GGNBP2: variants seen among roughly 807,000 people sequenced by gnomAD.
The protein encoded by GGNBP2 is gametogenetin binding protein 2.
In GGNBP2, 10 loss-of-function variants were observed where a neutral mutation model predicts 85.9. The ratio of observed to expected loss-of-function variants is 0.12; its 90% CI spans 0.07 to 0.20. The LOEUF (loss-of-function observed/expected upper bound fraction) is 0.20, where lower values mean the gene tolerates loss of function less well. GGNBP2 is among the 10% of genes least tolerant of loss of function. GGNBP2 has a pLI of 1.00. For missense variants in GGNBP2, 595 were observed against 857.8 expected, an observed-to-expected ratio of 0.69 and a Z score of 3.83; for synonymous variants, 287 against 285.7, an observed-to-expected ratio of 1.00 and a Z score of -0.05.
Position 36,567,742 on chromosome 17 carries a change from T to C in GGNBP2, c.607T>C (p.Leu203=). 6.2e-7 allele frequency: 1 copy of C among 1,603,894 alleles called. No homozygotes were observed. Among genetic ancestry groups the C allele is most frequent in the Non-Finnish European group, 8.5e-7 (1 of 1,170,846 alleles). Residue 203 remains leucine, a synonymous_variant, in exon 6 of 14, where the codon TTA becomes CTA. Coordinates refer to ENST00000613102, the MANE Select transcript of GGNBP2 (RefSeq NM_024835.5). The part of the protein sequence containing the change: ...EVVLIDSSCL[L]ETLETYLRKH... ...AGTTTTAATTGACTCGAGTTGTCTTTTAGAAACACTAGAAACATATCTGCG... is the reference window on the plus strand; with the variant it reads ...AGTTTTAATTGACTCGAGTTGTCTTCTAGAAACACTAGAAACATATCTGCG...
intron 6 of GGNBP2, among the ~76,000 whole-genome samples, chr17:36,568,800 G>A (rs2074494058): frequency 6.6e-6 from 1 of 151,420 alleles, no homozygotes; most frequent in Non-Finnish European, 1.5e-5. Flanking sequence ...TCTGTTGCCA[G>A]GCTGGAATGC....
At chr17:36,584,905 G>T (rs2074685209) in intron 9 of GGNBP2, among the ~76,000 whole-genome samples, 1 of 150,238 alleles carries the variant, frequency 6.7e-6, no homozygotes, top group Admixed American at 6.7e-5. Flanking sequence ...AGTAAGCCAT[G>T]ATTGTATGAC....
At chr17:36,574,581 C>T (rs562887825) in intron 6 of GGNBP2, 61 of 529,112 alleles carry the variant, frequency 1.2e-4, no homozygotes, top group South Asian at 5.0e-4. Context: ...TTCCAGAGGT[C>T]GGGGGTCAGG....
rs75474509 is a variant in GGNBP2 at position 36,546,698 on chromosome 17, A to G, written c.93+881A>G. 379 of 152,340 alleles carry G rather than the reference A, an allele frequency of 2.5e-3. 1 individual carries two copies. Among genetic ancestry groups the G allele is most frequent in the African/African-American group, 8.6e-3 (359 of 41,578 alleles). The allele number at this position is 152,340 out of a possible 1,614,324, so 9.4% of individuals were successfully genotyped here. On this transcript the variant is annotated intron_variant, in intron 2 of 13. Coordinates refer to ENST00000613102, the MANE Select transcript of GGNBP2 (RefSeq NM_024835.5). The stretch of plus-strand genomic sequence containing the variant: ...GAAATGAAATTAACCTTTTCCGAAT[A>G]TCTTTTGAAATCTGCGTTTTGATGA...
intron 2 of GGNBP2, 57 bp downstream of exon 2, chr17:36,545,874 T>TC (rs762605686): frequency 1.4e-4 from 167 of 1,221,024 alleles, no homozygotes; most frequent in Admixed American, 6.3e-5. Context: ...TTTCCCCTCC[T>TC]CCCCCTCCCC....
intron 9 of GGNBP2, among the ~76,000 whole-genome samples, chr17:36,583,590 C>T (rs558028133): frequency 7.9e-5 from 12 of 152,222 alleles, no homozygotes; most frequent in South Asian, 4.1e-4. Context: ...TCCCAAGTAG[C>T]TGGGACTACA....
rs2074621444 is a variant in GGNBP2 at position 36,579,277 on chromosome 17, T to C, written c.878T>C (p.Ile293Thr). 2.5e-6 allele frequency: 4 copies of C among 1,614,170 alleles called. No homozygotes were observed. Among genetic ancestry groups the C allele is most frequent in the South Asian group, 1.1e-5 (1 of 91,082 alleles). ...RRERHAKTID[I>T]AQEEVLTCLG... ...GAAAGGCATGCAAAGACAATAGATA[T>C]AGCTCAAGAAGAAGTTCTGACCTGC... Residue 293 changes from isoleucine (I) to threonine (T), a missense_variant, in exon 8 of 14, where the codon ATA becomes ACA. By Grantham distance (89) the Ile-to-Thr change is moderately conservative. This residue lies in a region of GGNBP2 where 92 missense variants were observed against 183.9 expected (regional missense o/e 0.50). Coordinates refer to ENST00000613102, the MANE Select transcript of GGNBP2 (RefSeq NM_024835.5).
At chr17:36,568,157 C>T (rs758243649) in intron 6 of GGNBP2, among the ~76,000 whole-genome samples, 50 of 152,154 alleles carry the variant, frequency 3.3e-4, no homozygotes, top group Non-Finnish European at 5.9e-4. Flanking sequence ...ATCTGCTGAC[C>T]TTGTGATCCA....
In GGNBP2 at chr17:36,585,438, A is replaced by G. The variant is rs772887992; in HGVS notation, c.1354A>G (p.Lys452Glu). 7 of 1,594,176 alleles carry G rather than the reference A, an allele frequency of 4.4e-6. No individual in the cohort carries two copies. Among genetic ancestry groups the G allele is most frequent in the Non-Finnish European group, 6.0e-6 (7 of 1,170,392 alleles). ...CAGTGGCAATCTTTTGGGGTCCCCT[A>G]AAATAAAGAAAGGTAAGTAAATAAT... The part of the protein sequence containing the change: ...PSSGNLLGSP[K>E]IKKGLSPHCN... The change falls in exon 10 of 14, where the codon AAA (lysine) becomes GAA (glutamate). Residue 452 changes from lysine (K) to glutamate (E), a missense_variant. By Grantham distance (56) the Lys-to-Glu change is moderately conservative. Coordinates refer to ENST00000613102, the MANE Select transcript of GGNBP2 (RefSeq NM_024835.5).
Position 36,567,988 on chromosome 17 carries a change from C to T in GGNBP2, c.641+212C>T, listed in dbSNP as rs147191375. ...GTCGCCAGGCTGGAGTACAGTGGCG[C>T]GATCTCGGCTCACTGCAACCTCTGC... On this transcript the variant is annotated intron_variant, in intron 6 of 13. Transcript: ENST00000613102. 7.4e-3 allele frequency among the ~76,000 whole-genome samples: 1,125 copies of T among 151,680 alleles called. 12 individuals are homozygous for T. The highest frequency in any genetic ancestry group is 0.026 in the African/African-American group (1,065 of 41,334).
intron 6 of GGNBP2, among the ~76,000 whole-genome samples, chr17:36,575,503 T>A (rs986655065): frequency 2.0e-5 from 3 of 151,522 alleles, no homozygotes; most frequent in African/African-American, 7.3e-5. Flanking sequence ...TGTGTTAATT[T>A]TTGTATATTT....
intron 6 of GGNBP2, among the ~76,000 whole-genome samples, chr17:36,568,295 A>AT (rs141765892): frequency 2.9e-3 from 407 of 141,414 alleles, no homozygotes; most frequent in Middle Eastern, 7.6e-3. Context: ...CTATTTTGTG[A>AT]TTTTTTTTTT....
chr17:36,583,451 A>T (rs1266999273), intron 9 of GGNBP2, among the ~76,000 whole-genome samples: 15 of 152,046 alleles, frequency 9.9e-5, no homozygotes, highest in Non-Finnish European at 1.6e-4. Flanking sequence ...CACAGATATT[A>T]TATGGTAGGA....
chr17:36,547,356 G>C (rs1401736351), intron 2 of GGNBP2: 2 of 151,744 alleles, frequency 1.3e-5, no homozygotes, highest in African/African-American at 4.8e-5. Context: ...AATGGCTGTG[G>C]AGTTAAAAAA....
intron 6 of GGNBP2, chr17:36,575,143 C>T: frequency 1.4e-6 from 1 of 697,262 alleles, no homozygotes; most frequent in Non-Finnish European, 2.6e-6. Context: ...CCAGGCGGCC[C>T]AGCTTGGTGA....
intron 2 of GGNBP2, chr17:36,546,150 C>T (rs952971597): frequency 9.8e-6 from 4 of 409,212 alleles, no homozygotes; most frequent in Non-Finnish European, 1.7e-5. Context: ...CGTTTAGGGC[C>T]TACCCCATAC....
At chr17:36,584,270 A>C (rs1599550512) in intron 9 of GGNBP2, among the ~76,000 whole-genome samples, 1 of 152,228 alleles carries the variant, frequency 6.6e-6, no homozygotes, top group South Asian at 2.1e-4. Flanking sequence ...GCACCTCAAA[A>C]AGTGGCACAA....
chr17:36,549,090 A>G (rs1317474000), intron 2 of GGNBP2, among the ~76,000 whole-genome samples: 1 of 152,222 alleles, frequency 6.6e-6, no homozygotes, highest in Non-Finnish European at 1.5e-5. Context: ...AGTTGGTGGA[A>G]TGGTGAAATA....
At chr17:36,553,534 G>C (rs1023134164) in intron 2 of GGNBP2, among the ~76,000 whole-genome samples, 5 of 152,144 alleles carry the variant, frequency 3.3e-5, no homozygotes, top group African/African-American at 1.2e-4. Flanking sequence ...GGAAGGGAGT[G>C]ATCTTTTTAA....
Sources: gnomAD v4.1 joint callset for allele counts (sites outside exome capture counted in the v4.1 genomes callset) on GRCh38, gnomAD v4.1.1 for gene constraint, gnomAD v4.1.1 regional missense constraint, MANE v1.5 for transcripts, NCBI Gene and HGNC (gene_info 2026-07-23, HGNC 2026-07-21) for gene names.